ANKAR: variants seen among roughly 807,000 people sequenced by gnomAD.
The protein encoded by ANKAR is ankyrin and armadillo repeat containing, also known as ankyrin and armadillo repeat-containing protein.
A neutral mutation model predicts 146.2 loss-of-function variants in ANKAR; 136 were observed. The observed-to-expected ratio is 0.93, with a 90% CI of 0.81 to 1.07. The LOEUF (loss-of-function observed/expected upper bound fraction) is 1.07. Ranked by LOEUF, ANKAR falls within the 50% of genes least tolerant of loss-of-function variation. The pLI, the probability that ANKAR is intolerant of heterozygous loss-of-function variation, is 0.00. For missense variants in ANKAR, 1,567 were observed against 1,679.9 expected (o/e 0.93, Z 1.18); for synonymous variants, 500 against 575.8 (o/e 0.87, Z 1.88).
chr2:189,745,438 A>C (rs1007819239), intron 22 of ANKAR, among the ~76,000 whole-genome samples: 1 of 152,128 alleles, frequency 6.6e-6, no homozygotes, highest in African/African-American at 2.4e-5. Flanking sequence ...GAAACAACTT[A>C]CCTATCTGAA....
At chr2:189,709,925 G>A (rs1482320651) in intron 9 of ANKAR, among the ~76,000 whole-genome samples, 2 of 152,176 alleles carry the variant, frequency 1.3e-5, no homozygotes, top group Admixed American at 1.3e-4. Context: ...CACCAGGGCT[G>A]CTGCTTCCTA....
chr2:189,696,478 C>A, intron 7 of ANKAR, 109 bp downstream of exon 7: 1 of 1,031,560 alleles, frequency 9.7e-7, no homozygotes, highest in Non-Finnish European at 1.4e-6. Flanking sequence ...TTAACTAGAG[C>A]AAAGTTGAGG....
chr2:189,724,872 A>G (rs2041688620), intron 12 of ANKAR, among the ~76,000 whole-genome samples: 1 of 152,214 alleles, frequency 6.6e-6, no homozygotes, highest in African/African-American at 2.4e-5. Context: ...AATTAAATCT[A>G]CAAGGCTGGG....
intron 18 of ANKAR, among the ~76,000 whole-genome samples, chr2:189,756,160 C>T (rs2046051827): frequency 6.6e-6 from 1 of 152,142 alleles, no homozygotes; most frequent in South Asian, 2.1e-4. Context: ...TATTTTAAAA[C>T]ACATTCCACT....
rs1390028616 is a variant in ANKAR, at chr2:189,706,928, T to C, written c.1911-10T>C. On this transcript the variant is annotated splice_polypyrimidine_tract_variant and intron_variant, in intron 8 of 22. Transcript: ENST00000684021. ...ATGCGTGTTTAATTGTTATGTTTCT[T>C]AATTTTTAGGAATCAGTGCACTCCA... is the stretch of plus-strand genomic sequence containing the variant. The C allele has an allele frequency of 1.3e-6, 2 of 1,594,114 alleles. No homozygotes were observed. The highest frequency in any genetic ancestry group is 1.7e-6 in the Non-Finnish European group (2 of 1,173,064).
downstream of ANKAR, chr2:189,763,049 T>A: frequency 1.0e-6 from 1 of 984,080 alleles, no homozygotes; most frequent in Middle Eastern, 5.2e-4. Flanking sequence ...AAAAAGAAAT[T>A]TTTTTTTTGC....
chr2:189,700,544 A>G (rs1448935289), intron 7 of ANKAR, among the ~76,000 whole-genome samples: 1 of 152,246 alleles, frequency 6.6e-6, no homozygotes, highest in African/African-American at 2.4e-5. Flanking sequence ...TGTGTTACAT[A>G]TAATCCAGTT....
rs146190048 is a variant in ANKAR, at chr2:189,722,080, C to T, written c.2635+1293C>T. Among the ~76,000 whole-genome samples, 854 of 152,176 alleles carry T rather than the reference C, an allele frequency of 5.6e-3. 5 individuals are homozygous for T. Among genetic ancestry groups the T allele is most frequent in the African/African-American group, 0.019 (775 of 41,468 alleles). Reference sequence around the variant, plus strand: ...GCATCAGAGGCCAGGCGTGGTGGCTCACACCTATAATCCCAGTATTTTGGG... The same window carrying T: ...GCATCAGAGGCCAGGCGTGGTGGCTTACACCTATAATCCCAGTATTTTGGG... On this transcript the variant is annotated intron_variant, in intron 12 of 22. Coordinates refer to ENST00000684021, the MANE Select transcript of ANKAR (RefSeq NM_001378068.1).
At chr2:189,704,971 T>C in intron 7 of ANKAR, 52 bp from the exon 8 acceptor site, 2 of 1,560,762 alleles carry the variant, frequency 1.3e-6, no homozygotes, top group East Asian at 2.2e-5. Context: ...TTTAGGTTTT[T>C]TTTAGGAATG....
intron 2 of ANKAR, among the ~76,000 whole-genome samples, chr2:189,679,279 A>G (rs1047273969): frequency 6.6e-6 from 1 of 152,160 alleles, no homozygotes; most frequent in Non-Finnish European, 1.5e-5. Flanking sequence ...TTGTTGGTGT[A>G]TAGCAGTGCT....
chr2:189,744,434 G>A (rs1046490252), intron 21 of ANKAR, among the ~76,000 whole-genome samples: 12 of 152,258 alleles, frequency 7.9e-5, no homozygotes, highest in African/African-American at 2.6e-4. Context: ...GTAGGAATTA[G>A]AAAAATATAC....
chr2:189,677,115 A>AT, intron 2 of ANKAR, 24 bp downstream of exon 2: 1 of 1,420,310 alleles, frequency 7.0e-7, no homozygotes, highest in Non-Finnish European at 9.1e-7. Context: ...ACACTTCTTA[A>AT]ATTTTTTTTT....
chr2:189,678,419 T>G (rs1456361563), intron 2 of ANKAR, among the ~76,000 whole-genome samples: 2 of 152,238 alleles, frequency 1.3e-5, no homozygotes, highest in Non-Finnish European at 2.9e-5. Context: ...TCTTTTGCTG[T>G]TTAGAAGCTT....
intron 7 of ANKAR, among the ~76,000 whole-genome samples, chr2:189,701,051 C>T (rs1042944916): frequency 9.9e-5 from 15 of 152,060 alleles, no homozygotes; most frequent in East Asian, 3.8e-4. Context: ...CGATATGCCT[C>T]GGTGTAGTTT....
At chr2:189,723,604 T>C (rs924134543) in intron 12 of ANKAR, among the ~76,000 whole-genome samples, 1 of 152,182 alleles carries the variant, frequency 6.6e-6, no homozygotes, top group African/African-American at 2.4e-5. Flanking sequence ...TTATACAATA[T>C]GTAGTATTAT....
intron 7 of ANKAR, among the ~76,000 whole-genome samples, chr2:189,697,346 A>G (rs150703663): frequency 5.9e-5 from 9 of 152,056 alleles, no homozygotes; most frequent in African/African-American, 1.7e-4. Context: ...TTACACATAT[A>G]TATGTACATA....
At chr2:189,708,801 C>T (rs1168028632) in intron 9 of ANKAR, among the ~76,000 whole-genome samples, 4 of 152,096 alleles carry the variant, frequency 2.6e-5, no homozygotes, top group Non-Finnish European at 5.9e-5. Context: ...CAGGCATCCA[C>T]TGGGGGTTTT....
At chr2:189,698,190 T>G (rs1044952147) in intron 7 of ANKAR, among the ~76,000 whole-genome samples, 8 of 152,208 alleles carry the variant, frequency 5.3e-5, no homozygotes, top group Non-Finnish European at 1.0e-4. Context: ...TTATAGTATA[T>G]AATCTCTAAA....
downstream of ANKAR, chr2:189,761,510 G>A (rs2047063778): frequency 5.6e-6 from 9 of 1,612,960 alleles, no homozygotes; most frequent in East Asian, 2.0e-4. Context: ...ATCACAACTA[G>A]TTTCAATTCC....
Sources: allele counts gnomAD v4.1 joint callset (sites outside exome capture counted in the v4.1 genomes callset), GRCh38; gene constraint gnomAD v4.1.1; transcripts MANE v1.5; gene names NCBI Gene and HGNC (gene_info 2026-07-23, HGNC 2026-07-21).